The following ADARB2 variants were observed in gnomAD, a reference collection of about 807,000 sequenced individuals.
ADARB2 encodes the protein inactive double-stranded RNA-specific editase B2.
In ADARB2, 25 loss-of-function variants were observed where a neutral mutation model predicts 62.2. The observed-to-expected ratio is 0.40, with a 90% CI of 0.29 to 0.56. ADARB2 has a LOEUF of 0.56. Ranked by LOEUF, ADARB2 falls within the 20% of genes least tolerant of loss-of-function variation. ADARB2 has a pLI of 0.43. For missense variants in ADARB2, 1,071 were observed against 1,077.4 expected (o/e 0.99, Z 0.08); for synonymous variants, 572 against 500.8 (o/e 1.14, Z -1.90).
rs957284460 is a variant in ADARB2 at position 1,623,633 on chromosome 10, C to T, written c.100+113418G>A. Among the ~76,000 whole-genome samples, 9 of 152,236 alleles carry T rather than the reference C, an allele frequency of 5.9e-5. No individual in the cohort carries two copies. The East Asian group carries it at 9.6e-4, about 16-fold the overall frequency. ...GAACTCCTTGTCTGTCCCGTTGTACCGTCATCACCTTCTCTGTCATCAGTG... is the reference window on the plus strand; with the variant it reads ...GAACTCCTTGTCTGTCCCGTTGTACTGTCATCACCTTCTCTGTCATCAGTG... On this transcript the variant is annotated intron_variant, in intron 1 of 9. Coordinates refer to ENST00000381312, the MANE Select transcript of ADARB2 (RefSeq NM_018702.4).
rs1564279461 is a variant in ADARB2 at position 1,398,669 on chromosome 10, T to C, written c.101-19509A>G. Among the ~76,000 whole-genome samples, 2 of 152,210 alleles carry C rather than the reference T, an allele frequency of 1.3e-5. No homozygotes were observed. The highest frequency in any genetic ancestry group is 2.4e-5 in the African/African-American group (1 of 41,448). On this transcript the variant is annotated intron_variant, in intron 1 of 9. Coordinates refer to ENST00000381312, the MANE Select transcript of ADARB2 (RefSeq NM_018702.4). This position sits in a 1 kb window ranked among gnomAD's most constrained non-coding sequence, Gnocchi z 4.1. ...CTAAGGAACAATTGATCAATATAAATAAAGTTTTAACGGTGGAATTTCAGG... is the reference window on the plus strand; with the variant it reads ...CTAAGGAACAATTGATCAATATAAACAAAGTTTTAACGGTGGAATTTCAGG...
intron 1 of ADARB2, among the ~76,000 whole-genome samples, chr10:1,392,630 G>A (rs1051404360): frequency 2.0e-4 from 30 of 152,118 alleles, no homozygotes; most frequent in Admixed American, 1.7e-3. Context: ...GTTTTACAAC[G>A]CCATCTCCAA....
intron 1 of ADARB2, among the ~76,000 whole-genome samples, chr10:1,625,053 A>C (rs1398276523): frequency 6.6e-6 from 1 of 152,240 alleles, no homozygotes; most frequent in Non-Finnish European, 1.5e-5. Flanking sequence ...TTTTTCTTTT[A>C]ACTGTCTGGG....
chr10:1,437,043 T>A (rs1830841659), intron 1 of ADARB2, among the ~76,000 whole-genome samples: 1 of 152,228 alleles, frequency 6.6e-6, no homozygotes, highest in African/African-American at 2.4e-5. Flanking sequence ...GTTAGTTGCA[T>A]TAAGGAACTC....
chr10:1,318,496 G>A (rs976718035), intron 3 of ADARB2, among the ~76,000 whole-genome samples: 2 of 152,120 alleles, frequency 1.3e-5, no homozygotes, highest in Admixed American at 1.3e-4. Flanking sequence ...GGAGTGGTTT[G>A]GATTCATTTA....
At chr10:1,620,341 C>A (rs905014067) in intron 1 of ADARB2, among the ~76,000 whole-genome samples, 2 of 152,036 alleles carry the variant, frequency 1.3e-5, no homozygotes, top group African/African-American at 4.8e-5. Flanking sequence ...GTCATAAGCA[C>A]ATGTTATGGG....
At chr10:1,608,353 A>G (rs908473477) in intron 1 of ADARB2, among the ~76,000 whole-genome samples, 3 of 152,102 alleles carry the variant, frequency 2.0e-5, no homozygotes, top group African/African-American at 7.2e-5. Context: ...TGTCCAAGAG[A>G]ATTTAAATCG....
At chr10:1,253,990 T>C (rs1011210899) in intron 4 of ADARB2, among the ~76,000 whole-genome samples, 7 of 150,598 alleles carry the variant, frequency 4.6e-5, no homozygotes, top group African/African-American at 1.7e-4. Context: ...GTGGGCTCTG[T>C]GGTTAGGTTA....
At position 1,566,104 on chromosome 10, in the gene ADARB2, A is replaced by C. The variant is rs1423612714; in HGVS notation, c.100+170947T>G. On this transcript the variant is annotated intron_variant, in intron 1 of 9. Coordinates refer to ENST00000381312, the MANE Select transcript of ADARB2 (RefSeq NM_018702.4). ...AAAAAAAAAAAAAAAAAAAAAAAAA[A>C]AAAAAACTCCCCTGTGTACAGTGAG... Among the ~76,000 whole-genome samples the C allele has an allele frequency of 7.9e-5, 7 of 88,200 alleles. 1 individual carries two copies. The highest frequency in any genetic ancestry group is 2.5e-4 in the Admixed American group (2 of 8,072). The allele number at this position is 88,200 out of a possible 152,430, so 57.9% of individuals were successfully genotyped here. A position where few individuals can be genotyped will look rare whatever the true frequency, so the allele number is the denominator to read the frequency against.
intron 3 of ADARB2, among the ~76,000 whole-genome samples, chr10:1,311,347 A>G (rs533352780): frequency 1.3e-5 from 2 of 152,326 alleles, no homozygotes; most frequent in South Asian, 4.2e-4. Flanking sequence ...AAGCCTAACA[A>G]AAGGCTTTCC....
intron 1 of ADARB2, among the ~76,000 whole-genome samples, chr10:1,509,525 A>G (rs945926038): frequency 3.0e-4 from 46 of 152,240 alleles, no homozygotes; most frequent in African/African-American, 1.1e-3. Flanking sequence ...TTTCTTTGCC[A>G]TTAGAGTTAC....
Position 1,379,076 on chromosome 10 carries a change from A to C in ADARB2, c.185T>G (p.Leu62Arg). The change falls in exon 2 of 10, where the codon CTC (leucine) becomes CGC (arginine). Residue 62 changes from leucine to arginine, a missense_variant and splice_region_variant. Transcript: ENST00000381312. ...GITNTEDDDTLSTSSAEVKEN... is the reference protein window; with the variant it reads ...GITNTEDDDTRSTSSAEVKEN... Reference sequence around the variant, plus strand: ...TTCGGGGAAGGGAAGTTGCTTACTGAGGGTGTCGTCATCCTCCGTGTTTGT... The same window carrying C: ...TTCGGGGAAGGGAAGTTGCTTACTGCGGGTGTCGTCATCCTCCGTGTTTGT... 6.2e-7 allele frequency: 1 copy of C among 1,612,630 alleles called. No individual in the cohort carries two copies. Among genetic ancestry groups the C allele is most frequent in the Non-Finnish European group, 8.5e-7 (1 of 1,178,766 alleles).
intron 4 of ADARB2, among the ~76,000 whole-genome samples, chr10:1,267,615 T>C (rs1216229062): frequency 6.6e-6 from 1 of 152,216 alleles, no homozygotes; most frequent in African/African-American, 2.4e-5. Flanking sequence ...TTTCTTTTTT[T>C]TCAATAAGAG....
In ADARB2 at chr10:1,706,891, A is replaced by C. The variant is rs1345517980; in HGVS notation, c.100+30160T>G. On this transcript the variant is annotated intron_variant, in intron 1 of 9. Coordinates refer to ENST00000381312, the MANE Select transcript of ADARB2 (RefSeq NM_018702.4). ...GACACCAGAGTGGTGAACGGCAGGA[A>C]GTGGGGTTTTTGTTGGGCAGGAAGT... 2.0e-5 allele frequency among the ~76,000 whole-genome samples: 3 copies of C among 152,200 alleles called. No homozygotes were observed. The East Asian group carries it at 5.8e-4, about 29-fold the overall frequency.
intron 1 of ADARB2, among the ~76,000 whole-genome samples, chr10:1,549,458 C>T (rs533812472): frequency 7.2e-5 from 11 of 152,020 alleles, no homozygotes; most frequent in Middle Eastern, 3.4e-3. Flanking sequence ...AGGAGGGAGA[C>T]GGGAGGAGGG....
chr10:1,344,855 G>T (rs1564263574), intron 3 of ADARB2, among the ~76,000 whole-genome samples: 1 of 152,218 alleles, frequency 6.6e-6, no homozygotes, highest in Non-Finnish European at 1.5e-5. Context: ...TGTGCTGGGG[G>T]TTGGGCCAGG....
At chr10:1,698,058 T>C (rs745306890) in intron 1 of ADARB2, among the ~76,000 whole-genome samples, 2 of 152,174 alleles carry the variant, frequency 1.3e-5, no homozygotes, top group Non-Finnish European at 2.9e-5. Flanking sequence ...TTCCAATGGT[T>C]ACATATTAAT....
At chr10:1,334,510 G>C (rs756431118) in intron 3 of ADARB2, among the ~76,000 whole-genome samples, 11 of 152,124 alleles carry the variant, frequency 7.2e-5, no homozygotes, top group Non-Finnish European at 1.6e-4. Flanking sequence ...TGTATTGCAT[G>C]TTTATATGTG....
chr10:1,460,972 A>G (rs932414989), intron 1 of ADARB2, among the ~76,000 whole-genome samples: 3 of 152,256 alleles, frequency 2.0e-5, no homozygotes, highest in Admixed American at 1.3e-4. Flanking sequence ...AGTTAAAAAA[A>G]ACAATTTTAT....
Sources: gnomAD v4.1 joint callset for allele counts (sites outside exome capture counted in the v4.1 genomes callset) on GRCh38, gnomAD v4.1.1 for gene constraint, Gnocchi (gnomAD v3.1) non-coding constraint, MANE v1.5 for transcripts, NCBI Gene and HGNC (gene_info 2026-07-23, HGNC 2026-07-21) for gene names.